The following LAMC1 variants were observed in gnomAD, a reference collection of about 807,000 sequenced individuals.
LAMC1 encodes the protein laminin subunit gamma-1.
Under a neutral mutation model 173.6 loss-of-function variants are expected in LAMC1, and 38 were observed. That is an observed-to-expected ratio of 0.22 (90% CI 0.17 to 0.29). LAMC1 has a LOEUF of 0.29. LAMC1 is among the 10% of genes least tolerant of loss of function. LAMC1 has a pLI of 1.00. For missense variants in LAMC1, 1,824 were observed against 2,051.8 expected (o/e 0.89, Z 2.14); for synonymous variants, 746 against 749.1 (o/e 1.00, Z 0.07).
At chr1:183,096,472 A>G (rs1441247332) in intron 1 of LAMC1, 3 of 152,190 alleles carry the variant, frequency 2.0e-5, no homozygotes, top group East Asian at 3.8e-4. Context: ...GAGACTTTCC[A>G]TATTCCATCT....
intron 1 of LAMC1, among the ~76,000 whole-genome samples, chr1:183,068,838 A>C (rs1346469727): frequency 1.3e-5 from 2 of 152,096 alleles, no homozygotes; most frequent in African/African-American, 4.8e-5. Context: ...GCTACTTGGG[A>C]GGCTGAGGCA....
At chr1:183,142,037 A>AT (rs2102118705) in intron 27 of LAMC1, among the ~76,000 whole-genome samples, 1 of 152,296 alleles carries the variant, frequency 6.6e-6, no homozygotes, top group African/African-American at 2.4e-5. Flanking sequence ...TTTCCATAGG[A>AT]AGGCTCCTAA....
rs191861410 is a variant in LAMC1 at position 183,099,441 on chromosome 1, A to G, written c.419-3887A>G. Among the ~76,000 whole-genome samples, 64 of 152,252 alleles carry G rather than the reference A, an allele frequency of 4.2e-4. 1 individual carries two copies. The highest frequency in any genetic ancestry group is 6.9e-4 in the Non-Finnish European group (47 of 68,020). On this transcript the variant is annotated intron_variant, in intron 1 of 27. Coordinates refer to ENST00000258341, the MANE Select transcript of LAMC1 (RefSeq NM_002293.4). ...TTGTCCCTGGCACTGCTTTTGGTGCAGCTGTGACCTCTGTGGCTTGAAGCT... is the reference window on the plus strand; with the variant it reads ...TTGTCCCTGGCACTGCTTTTGGTGCGGCTGTGACCTCTGTGGCTTGAAGCT...
chr1:183,109,511 A>G (rs949009355), intron 3 of LAMC1, among the ~76,000 whole-genome samples: 1 of 152,230 alleles, frequency 6.6e-6, no homozygotes, highest in Admixed American at 6.5e-5. Flanking sequence ...GGTACCATTA[A>G]CAAAATAAAG....
In LAMC1 at chr1:183,143,596, C is replaced by G. The variant is rs1373823808; in HGVS notation, c.*806C>G. Reference sequence around the variant, plus strand: ...TTGATATTCTTATAAATGGAACTTACACAGAAGAAATAGGGATATGATAAC... The same window carrying G: ...TTGATATTCTTATAAATGGAACTTAGACAGAAGAAATAGGGATATGATAAC... On this transcript the variant is annotated 3_prime_UTR_variant, in exon 28 of 28. Coordinates refer to ENST00000258341, the MANE Select transcript of LAMC1 (RefSeq NM_002293.4). 6.6e-6 allele frequency: 1 copy of G among 152,492 alleles called. No homozygotes were observed. The highest frequency in any genetic ancestry group is 1.5e-5 in the Non-Finnish European group (1 of 68,030). The allele number at this position is 152,492 out of a possible 1,614,324, so 9.4% of individuals were successfully genotyped here. A position where few individuals can be genotyped will look rare whatever the true frequency, so the allele number is the denominator to read the frequency against.
chr1:183,100,313 A>T (rs770800611), intron 1 of LAMC1, among the ~76,000 whole-genome samples: 13 of 152,162 alleles, frequency 8.5e-5, no homozygotes, highest in Non-Finnish European at 1.6e-4. Context: ...CTTTCTAAAA[A>T]ATCAAACCTG....
intron 1 of LAMC1, among the ~76,000 whole-genome samples, chr1:183,040,529 G>T (rs1654102019): frequency 6.6e-6 from 1 of 152,238 alleles, no homozygotes; most frequent in South Asian, 2.1e-4. Context: ...AAAAATCAGG[G>T]TATTAAATCT....
At chr1:183,083,352 A>T (rs758699261) in intron 1 of LAMC1, among the ~76,000 whole-genome samples, 27 of 152,210 alleles carry the variant, frequency 1.8e-4, no homozygotes, top group Non-Finnish European at 3.4e-4. Context: ...GCATCCTTCC[A>T]TCTGGGTGAA....
chr1:183,130,516 A>G lies in LAMC1; in HGVS notation c.3453A>G (p.Glu1151=), dbSNP rs1426509478. The G allele has an allele frequency of 2.5e-6, 4 of 1,614,212 alleles. No individual in the cohort carries two copies. The highest frequency in any genetic ancestry group is 1.1e-5 in the South Asian group (1 of 91,078). ...GGTTGATTGAAATCGCATCCAGAGA[A>G]CTTGAGAAAGCAAAAGTCGCTGCTG... The part of the protein sequence containing the change: ...TERLIEIASR[E]LEKAKVAAAN... Residue 1151 remains glutamate, a synonymous_variant, in exon 19 of 28, where the codon GAA becomes GAG. Coordinates refer to ENST00000258341, the MANE Select transcript of LAMC1 (RefSeq NM_002293.4).
chr1:183,138,032 C>A, intron 26 of LAMC1: 1 of 534,392 alleles, frequency 1.9e-6, no homozygotes, highest in Non-Finnish European at 2.9e-6. Flanking sequence ...ATTGTCCTGT[C>A]CCAAAGTTAC....
intron 1 of LAMC1, among the ~76,000 whole-genome samples, chr1:183,092,449 T>A (rs1440679962): frequency 5.9e-5 from 9 of 151,594 alleles, no homozygotes; most frequent in Admixed American, 5.9e-4. Flanking sequence ...AATACAGAGT[T>A]TGGGACCTCA....
At chr1:183,138,952 G>A (rs1657028445) in intron 26 of LAMC1, among the ~76,000 whole-genome samples, 1 of 152,104 alleles carries the variant, frequency 6.6e-6, no homozygotes, top group Non-Finnish European at 1.5e-5. Flanking sequence ...TACATAGGAG[G>A]CTGAGGCAGG....
chr1:183,133,666 C>A, intron 22 of LAMC1, 116 bp downstream of exon 22: 4 of 1,057,326 alleles, frequency 3.8e-6, no homozygotes, highest in Non-Finnish European at 5.3e-6. Flanking sequence ...AAAGTTGAGT[C>A]TTATTTCACA....
chr1:183,116,610 T>C lies in LAMC1; in HGVS notation c.1362T>C (p.Asp454=). 1 of 1,613,002 alleles carries C rather than the reference T, an allele frequency of 6.2e-7. No individual in the cohort carries two copies. Among genetic ancestry groups the C allele is most frequent in the Non-Finnish European group, 8.5e-7 (1 of 1,179,014 alleles). Residue 454 remains aspartate, a synonymous_variant, in exon 7 of 28, where the codon GAT becomes GAC. Transcript: ENST00000258341. The part of the protein sequence containing the change: ...PCSCDPSGSI[D]ECNIETGRCV... ...CTTGTGATCCCTCTGGCAGCATAGA[T>C]GAATGTAATATTGAAACAGGAAGAT...
intron 1 of LAMC1, among the ~76,000 whole-genome samples, chr1:183,034,119 A>G (rs1189610650): frequency 6.6e-6 from 1 of 152,244 alleles, no homozygotes; most frequent in African/African-American, 2.4e-5. Flanking sequence ...TGTAAATAAG[A>G]CTGCTGGGGA....
rs1654241970 is a variant in LAMC1, at chr1:183,045,415, A to G, written c.418+21281A>G. Among the ~76,000 whole-genome samples, 3 of 152,124 alleles carry G rather than the reference A, an allele frequency of 2.0e-5. No homozygotes were observed. In the South Asian group the frequency reaches 6.2e-4, roughly 32 times the overall value. On this transcript the variant is annotated intron_variant, in intron 1 of 27. Transcript: ENST00000258341. ...AAAATAGTTTTGTAATTCCTAAACA[A>G]TGTATTGTTTGTTTTTGAGCTTTGT...
At chr1:183,112,439 C>T (rs1656187469) in intron 4 of LAMC1, among the ~76,000 whole-genome samples, 4 of 152,060 alleles carry the variant, frequency 2.6e-5, no homozygotes, top group Admixed American at 2.6e-4. Context: ...GAACTGAGTA[C>T]TGTAGCTAAA....
intron 1 of LAMC1, among the ~76,000 whole-genome samples, chr1:183,073,969 A>T (rs1184181282): frequency 6.6e-6 from 1 of 152,214 alleles, no homozygotes; most frequent in Non-Finnish European, 1.5e-5. Flanking sequence ...GAACTAAAAA[A>T]ATCCATTGCT....
At chr1:183,056,453 C>T (rs982984901) in intron 1 of LAMC1, among the ~76,000 whole-genome samples, 7 of 152,112 alleles carry the variant, frequency 4.6e-5, no homozygotes, top group Non-Finnish European at 7.4e-5. Context: ...TGTTTATTAT[C>T]CACCAGTCAC....
Sources: gnomAD v4.1 joint callset for allele counts (sites outside exome capture counted in the v4.1 genomes callset) on GRCh38, gnomAD v4.1.1 for gene constraint, MANE v1.5 for transcripts, NCBI Gene and HGNC (gene_info 2026-07-23, HGNC 2026-07-21) for gene names.